RAB25: variants seen among roughly 807,000 people sequenced by gnomAD.
RAB25 encodes the protein RAB25, member RAS oncogene family, also known as ras-related protein Rab-25.
In RAB25, 23 loss-of-function variants were observed where a neutral mutation model predicts 25.2. The observed-to-expected ratio is 0.91, with a 90% confidence interval of 0.66 to 1.29. The LOEUF is 1.29. Among genes scored for constraint, RAB25 ranks in the 50% most tolerant of loss-of-function variants. RAB25 has a pLI of 0.00. For synonymous variants in RAB25, 102 were observed against 111.5 expected (o/e 0.91, Z 0.54); for missense variants, 244 against 277.3 (o/e 0.88, Z 0.85).
intron 2 of RAB25, 97 bp downstream of exon 2, chr1:156,066,203 C>A: frequency 1.9e-6 from 2 of 1,070,826 alleles, no homozygotes; most frequent in Non-Finnish European, 2.5e-6. Flanking sequence ...GGCAAGGGGG[C>A]TCAGCAGTGG....
chr1:156,063,084 G>T (rs2102768793), intron 1 of RAB25, among the ~76,000 whole-genome samples: 1 of 151,424 alleles, frequency 6.6e-6, no homozygotes, highest in East Asian at 1.9e-4. Context: ...AAAGTATTGA[G>T]GGTTGGGTTG....
In RAB25 at chr1:156,061,532, A is replaced by C. The variant is rs373364359; in HGVS notation, c.43+89A>C. 6.4e-5 allele frequency: 87 copies of C among 1,369,106 alleles called. No homozygotes were observed. In the East Asian group the frequency reaches 1.2e-3, roughly 20 times the overall value. The allele number at this position is 1,369,106 out of a possible 1,614,324, so 84.8% of individuals were successfully genotyped here. A position where few individuals can be genotyped will look rare whatever the true frequency, so the allele number is the denominator to read the frequency against. On this transcript the variant is annotated intron_variant, in intron 1 of 4. Transcript: ENST00000361084. ...AGAGAGGGCCCCCTCCTGTTTTTTT[A>C]TCTCTTACCAAGACCTCCTGGGGCT...
At position 156,061,398 on chromosome 1, in the gene RAB25, A is replaced by G. The variant is rs1647577107; in HGVS notation, c.-3A>G. On this transcript the variant is annotated 5_prime_UTR_variant, in exon 1 of 5. Coordinates refer to ENST00000361084, the MANE Select transcript of RAB25 (RefSeq NM_020387.4). Reference sequence around the variant, plus strand: ...ACACCTGCACCCTCCATGCGGAGCCAAGATGGGGAATGGAACTGAGGAAGA... The same window carrying G: ...ACACCTGCACCCTCCATGCGGAGCCGAGATGGGGAATGGAACTGAGGAAGA... 3 of 1,613,902 alleles carry G rather than the reference A, an allele frequency of 1.9e-6. No homozygotes were observed. Among genetic ancestry groups the G allele is most frequent in the Non-Finnish European group, 2.5e-6 (3 of 1,179,920 alleles).
Position 156,068,421 on chromosome 1 carries a change from C to T in RAB25, c.391C>T (p.Gln131Ter). 3.1e-6 allele frequency: 5 copies of T among 1,613,958 alleles called. No homozygotes were observed. Among genetic ancestry groups the T allele is most frequent in the Non-Finnish European group, 4.2e-6 (5 of 1,179,996 alleles). Residue 131 changes from glutamine (Q) to a stop codon, truncating the protein, a stop_gained, in exon 3 of 5, where the codon CAG becomes TAG. Coordinates refer to ENST00000361084, the MANE Select transcript of RAB25 (RefSeq NM_020387.4). LOFTEE classifies it high-confidence loss of function. ...CGTGGGTAACAAAAGTGACCTCAGC[C>T]AGGCCCGGGAAGTGCCCACTGAGGA... ...MLVGNKSDLSQAREVPTEEAR... is the reference protein window; with the variant it reads ...MLVGNKSDLS
intron 3 of RAB25, 93 bp downstream of exon 3, chr1:156,068,556 C>T (rs1647820749): frequency 7.8e-7 from 1 of 1,276,976 alleles, no homozygotes; most frequent in South Asian, 1.4e-5. Flanking sequence ...CATAGAGCCC[C>T]TAGCCTGGCC....
chr1:156,065,994 A>G lies in RAB25; in HGVS notation c.127A>G (p.Thr43Ala). ...TRNEFSHDSR[T>A]TIGVEFSTRT... ...CAATGAGTTCAGCCACGACAGCCGC[A>G]CCACCATCGGGGTTGAGTTCTCCAC... The change falls in exon 2 of 5, where the codon ACC becomes GCC. Residue 43 changes from threonine (T) to alanine (A), a missense_variant. Thr to Ala is a moderately conservative substitution (Grantham distance 58, BLOSUM62 0). Coordinates refer to ENST00000361084, the MANE Select transcript of RAB25 (RefSeq NM_020387.4). 1 of 1,614,042 alleles carries G rather than the reference A, an allele frequency of 6.2e-7. No individual in the cohort carries two copies. Among genetic ancestry groups the G allele is most frequent in the South Asian group, 1.1e-5 (1 of 91,072 alleles).
At position 156,070,253 on chromosome 1, in the gene RAB25, C is replaced by T; in HGVS notation, c.608C>T (p.Pro203Leu). The T allele has an allele frequency of 6.2e-7, 1 of 1,614,054 alleles. No homozygotes were observed. Among genetic ancestry groups the T allele is most frequent in the Non-Finnish European group, 8.5e-7 (1 of 1,179,968 alleles). ...GSAQAGQEPG[P>L]GEKRACCISL ...GCCCAGGCTGGACAGGAGCCTGGCC[C>T]TGGGGAGAAGAGGGCCTGTTGCATC... The change falls in exon 5 of 5, where the codon CCT becomes CTT. Residue 203 changes from proline (P) to leucine (L), a missense_variant. Coordinates refer to ENST00000361084, the MANE Select transcript of RAB25 (RefSeq NM_020387.4).
chr1:156,065,627 G>T (rs1647719797), intron 1 of RAB25, among the ~76,000 whole-genome samples: 1 of 152,156 alleles, frequency 6.6e-6, no homozygotes, highest in South Asian at 2.1e-4. Flanking sequence ...AGAGCCCACA[G>T]ATGTCACTCC....
chr1:156,065,184 C>T (rs1451472013), intron 1 of RAB25, among the ~76,000 whole-genome samples: 1 of 152,158 alleles, frequency 6.6e-6, no homozygotes, highest in African/African-American at 2.4e-5. Flanking sequence ...TACAATAACC[C>T]TTAAGGTAGA....
At chr1:156,063,443 G>A (rs182023590) in intron 1 of RAB25, among the ~76,000 whole-genome samples, 4 of 152,234 alleles carry the variant, frequency 2.6e-5, no homozygotes, top group South Asian at 2.1e-4. Context: ...GAGCCACCGC[G>A]CCCAGCTCAA....
chr1:156,068,362 A>G lies in RAB25; in HGVS notation c.332A>G (p.Tyr111Cys). 2 of 1,614,124 alleles carry G rather than the reference A, an allele frequency of 1.2e-6. No homozygotes were observed. Among genetic ancestry groups the G allele is most frequent in the South Asian group, 1.1e-5 (1 of 91,078 alleles). Residue 111 changes from tyrosine to cysteine, a missense_variant, in exon 3 of 5, where the codon TAT becomes TGT. Coordinates refer to ENST00000361084, the MANE Select transcript of RAB25 (RefSeq NM_020387.4). The part of the protein sequence containing the change: ...AVVERWLKEL[Y>C]DHAEATIVVM... ...GTGGAGCGATGGCTGAAGGAGCTCT[A>G]TGACCATGCTGAAGCCACGATCGTC...
chr1:156,068,139 T>C, intron 2 of RAB25, 131 bp from the exon 3 acceptor site: 1 of 826,164 alleles, frequency 1.2e-6, no homozygotes, highest in South Asian at 1.8e-5. Context: ...TCTGGGCCCC[T>C]GGCCGCAAGT....
In RAB25 at chr1:156,068,483, C is replaced by T; in HGVS notation, c.433+20C>T. 6.2e-7 allele frequency: 1 copy of T among 1,606,022 alleles called. No homozygotes were observed. Among genetic ancestry groups the T allele is most frequent in the Non-Finnish European group, 8.5e-7 (1 of 1,175,412 alleles). On this transcript the variant is annotated intron_variant, in intron 3 of 4. Coordinates refer to ENST00000361084, the MANE Select transcript of RAB25 (RefSeq NM_020387.4). ...TCGCTGGTGAGAGCCTGCCACTACC[C>T]AGGCTGACTCCTCCAAGCTTAGCCC...
Position 156,065,893 on chromosome 1 carries a change from A to C in RAB25, c.44-18A>C. ...CTGCTCTACCCCATGCTCAGCCCTTATCTCTCCACTCCTTCAGTGGTGCTG... is the reference window on the plus strand; with the variant it reads ...CTGCTCTACCCCATGCTCAGCCCTTCTCTCTCCACTCCTTCAGTGGTGCTG... On this transcript the variant is annotated intron_variant, in intron 1 of 4. Transcript: ENST00000361084. 3.2e-6 allele frequency: 5 copies of C among 1,570,486 alleles called. No individual in the cohort carries two copies. The highest frequency in any genetic ancestry group is 3.5e-6 in the Non-Finnish European group (4 of 1,151,550).
intron 2 of RAB25, among the ~76,000 whole-genome samples, chr1:156,068,057 G>T (rs1387937976): frequency 2.0e-5 from 3 of 152,140 alleles, no homozygotes; most frequent in Non-Finnish European, 4.4e-5. Context: ...CTGGCCGAGG[G>T]AGGTGAAACT....
chr1:156,067,153 A>G (rs1379644268), intron 2 of RAB25, among the ~76,000 whole-genome samples: 1 of 151,420 alleles, frequency 6.6e-6, no homozygotes, highest in Non-Finnish European at 1.5e-5. Flanking sequence ...GAATCACTCG[A>G]ACCTGGGAGG....
Position 156,068,387 on chromosome 1 carries a change from C to A in RAB25, c.357C>A (p.Val119=). 6.2e-7 allele frequency: 1 copy of A among 1,614,070 alleles called. No homozygotes were observed. The highest frequency in any genetic ancestry group is 8.5e-7 in the Non-Finnish European group (1 of 1,180,018). The change falls in exon 3 of 5, where the codon GTC becomes GTA. Residue 119 remains valine (V), a synonymous_variant. Coordinates refer to ENST00000361084, the MANE Select transcript of RAB25 (RefSeq NM_020387.4). ...ELYDHAEATI[V]VMLVGNKSDL... ...ATGACCATGCTGAAGCCACGATCGT[C>A]GTCATGCTCGTGGGTAACAAAAGTG...
At chr1:156,067,288 T>C (rs920909566) in intron 2 of RAB25, among the ~76,000 whole-genome samples, 3 of 150,872 alleles carry the variant, frequency 2.0e-5, no homozygotes, top group African/African-American at 7.3e-5. Flanking sequence ...GGCCTAAGCA[T>C]GTGAAATGGG....
At chr1:156,067,876 C>T (rs1311199145) in intron 2 of RAB25, among the ~76,000 whole-genome samples, 1 of 152,220 alleles carries the variant, frequency 6.6e-6, no homozygotes, top group Non-Finnish European at 1.5e-5. Context: ...CCTCAGCCTT[C>T]CGAGTAGCTG....
Sources: gnomAD v4.1 joint callset for allele counts (sites outside exome capture counted in the v4.1 genomes callset) on GRCh38, gnomAD v4.1.1 for gene constraint, MANE v1.5 for transcripts, NCBI Gene and HGNC (gene_info 2026-07-23, HGNC 2026-07-21) for gene names.